Variants in NUP153 observed in about 807,000 individuals in gnomAD.
The protein encoded by NUP153 is nucleoporin 153.
NUP153 carries 27 observed loss-of-function variants against 134.6 expected under a neutral mutation model. The observed-to-expected ratio is 0.20, with a 90% CI of 0.15 to 0.28. NUP153 has a LOEUF of 0.28. Among genes scored for constraint, NUP153 ranks in the 10% least tolerant of loss-of-function variants. The pLI is 1.00. For synonymous variants in NUP153, 640 were observed against 623.5 expected (o/e 1.03, Z -0.40); for missense variants, 1,821 against 1,731.3 (o/e 1.05, Z -0.92).
chr6:17,699,187 TA>T (rs988412770), intron 1 of NUP153, among the ~76,000 whole-genome samples: 2 of 74,008 alleles, frequency 2.7e-5, no homozygotes, highest in Non-Finnish European at 5.9e-5. Flanking sequence ...TAGCTACAAA[TA>T]ATTTTTTTTT....
chr6:17,681,153 A>C (rs1012607928), intron 2 of NUP153, among the ~76,000 whole-genome samples: 1 of 152,148 alleles, frequency 6.6e-6, no homozygotes, highest in Non-Finnish European at 1.5e-5. Context: ...CATCACATTA[A>C]GTGAAATACA....
At chr6:17,701,676 A>G (rs184733251) in intron 1 of NUP153, among the ~76,000 whole-genome samples, 1 of 142,462 alleles carries the variant, frequency 7.0e-6, no homozygotes, top group Non-Finnish European at 1.6e-5. Flanking sequence ...AAAAAAAAAA[A>G]TACAAAAATT....
At chr6:17,647,352 T>C (rs1766249844) in intron 13 of NUP153, among the ~76,000 whole-genome samples, 1 of 152,202 alleles carries the variant, frequency 6.6e-6, no homozygotes, top group South Asian at 2.1e-4. Context: ...TTTAACTAAA[T>C]GCAATATCAT....
chr6:17,663,007 T>C (rs1429559581), intron 9 of NUP153, among the ~76,000 whole-genome samples: 1 of 152,166 alleles, frequency 6.6e-6, no homozygotes, highest in Non-Finnish European at 1.5e-5. Flanking sequence ...GATGTTAGAA[T>C]TTCTTCTTTT....
rs574857209 is a variant in NUP153, at chr6:17,631,600, T to C, written c.2659+1050A>G. ...TAAGTAAGAAGATGAAATATCTGTC[T>C]GAGTTGTTTCAAGACATTAATCCTC... On this transcript the variant is annotated intron_variant, in intron 17 of 21. Transcript: ENST00000262077. Among the ~76,000 whole-genome samples the C allele has an allele frequency of 2.0e-4, 30 of 152,366 alleles. No individual in the cohort carries two copies. In the East Asian group the frequency reaches 2.9e-3, roughly 15 times the overall value.
At chr6:17,639,801 C>G (rs781582953) in intron 15 of NUP153, 138 bp downstream of exon 15, 20 of 680,704 alleles carry the variant, frequency 2.9e-5, no homozygotes, top group Non-Finnish European at 4.4e-5. Context: ...AGAATTACAC[C>G]TAACTACATC....
At chr6:17,624,323 T>C (rs1019448631) in intron 20 of NUP153, among the ~76,000 whole-genome samples, 5 of 152,154 alleles carry the variant, frequency 3.3e-5, no homozygotes, top group Non-Finnish European at 7.3e-5. Context: ...ATGAATCCCA[T>C]ACTTAAGTCA....
At chr6:17,688,310 A>G (rs1769065437) in intron 2 of NUP153, 86 bp downstream of exon 2, 1 of 960,568 alleles carries the variant, frequency 1.0e-6, no homozygotes, top group Admixed American at 2.1e-5. Flanking sequence ...GTACCGCCTG[A>G]TTAGATTTAC....
chr6:17,628,622 T>A lies in NUP153; in HGVS notation c.3544+33A>T, dbSNP rs548525234. The A allele has an allele frequency of 0.052, 26,283 of 504,688 alleles. 353 individuals are homozygous for A. The highest frequency in any genetic ancestry group is 0.14 in the African/African-American group (5,198 of 37,200). 31.3% of individuals were successfully genotyped at this position (504,688 alleles called of 1,614,324 possible). ...AAACGACAACTTGTAAAAAAAAAAATAATAATAATAATAATAAAAAGTTAA... is the reference window on the plus strand; with the variant it reads ...AAACGACAACTTGTAAAAAAAAAAAAAATAATAATAATAATAAAAAGTTAA... On this transcript the variant is annotated intron_variant, in intron 18 of 21. Transcript: ENST00000262077. The surrounding 1 kb of genome is among the most constrained non-coding windows in gnomAD (Gnocchi z 5.4).
rs563337166 is a variant in NUP153 at position 17,626,404 on chromosome 6, T to C, written c.3545-240A>G. On this transcript the variant is annotated intron_variant, in intron 18 of 21. Transcript: ENST00000262077. ...GCCTTTCATAGGAAGGCCTTTGGCA[T>C]TCAGGTTAATAAAAATACACCTCGA... Among the ~76,000 whole-genome samples the C allele has an allele frequency of 1.4e-4, 21 of 152,332 alleles. 1 individual carries two copies. The South Asian group carries it at 1.9e-3, about 14-fold the overall frequency.
intron 8 of NUP153, 47 bp from the exon 9 acceptor site, chr6:17,665,432 A>G: frequency 6.8e-7 from 1 of 1,468,610 alleles, no homozygotes; most frequent in East Asian, 2.3e-5. Context: ...ATATAAATCA[A>G]TGATTCATAT....
chr6:17,661,870 T>C (rs1229347971), intron 10 of NUP153, 91 bp from the exon 11 acceptor site: 6 of 1,301,320 alleles, frequency 4.6e-6, no homozygotes, highest in African/African-American at 3.0e-5. Flanking sequence ...AAAAAAAATA[T>C]ACAGCTGAAC....
chr6:17,665,780 T>A (rs1767500173), intron 8 of NUP153, among the ~76,000 whole-genome samples: 1 of 151,874 alleles, frequency 6.6e-6, no homozygotes, highest in Non-Finnish European at 1.5e-5. Flanking sequence ...CAGCTCACTG[T>A]AGGTGAGACC....
At chr6:17,644,082 A>C (rs1221933526) in intron 14 of NUP153, among the ~76,000 whole-genome samples, 3 of 152,168 alleles carry the variant, frequency 2.0e-5, no homozygotes, top group Non-Finnish European at 4.4e-5. Flanking sequence ...CAAACATACC[A>C]GTCAAATTCT....
chr6:17,697,500 A>G (rs1189724471), intron 1 of NUP153, among the ~76,000 whole-genome samples: 1 of 152,238 alleles, frequency 6.6e-6, no homozygotes, highest in Non-Finnish European at 1.5e-5. Context: ...AGCCTGGCCA[A>G]CATGGCGAAA....
chr6:17,629,472 T>C lies in NUP153; in HGVS notation c.2727A>G (p.Ser909=), dbSNP rs1486206982. The change falls in exon 18 of 22, where the codon TCA becomes TCG. Residue 909 remains serine, a synonymous_variant. Coordinates refer to ENST00000262077, the MANE Select transcript of NUP153 (RefSeq NM_005124.4). ...ASSSFKFGVS[S]SSSGPSQTLT... ...AAGTCTGAGAAGGCCCAGAAGAGGATGATGAGACACCAAATTTGAAGGATG... is the reference window on the plus strand; with the variant it reads ...AAGTCTGAGAAGGCCCAGAAGAGGACGATGAGACACCAAATTTGAAGGATG... 2 of 1,610,600 alleles carry C rather than the reference T, an allele frequency of 1.2e-6. No homozygotes were observed. Among genetic ancestry groups the C allele is most frequent in the Non-Finnish European group, 1.7e-6 (2 of 1,179,236 alleles).
intron 1 of NUP153, among the ~76,000 whole-genome samples, chr6:17,698,257 C>A (rs1769796147): frequency 6.6e-6 from 1 of 152,122 alleles, no homozygotes; most frequent in African/African-American, 2.4e-5. Flanking sequence ...TAAAATACAA[C>A]CAATAATGTC....
intron 14 of NUP153, among the ~76,000 whole-genome samples, chr6:17,645,262 A>C (rs571661231): frequency 6.7e-6 from 1 of 150,322 alleles, no homozygotes; most frequent in Non-Finnish European, 1.5e-5. Flanking sequence ...AAAAAAAAAG[A>C]ATTCTATGTT....
Position 17,706,117 on chromosome 6 carries a change from G to A in NUP153, c.111+160C>T. ...CTGGGCCTGTCTCAGCCCACTTCCC[G>A]TCGCCACCCCCAACGGCCTGAGCTC... is the stretch of plus-strand genomic sequence containing the variant. On this transcript the variant is annotated intron_variant, in intron 1 of 21. Transcript: ENST00000262077. The surrounding 1 kb of genome is among the most constrained non-coding windows in gnomAD (Gnocchi z 5.9). 1.6e-6 allele frequency: 1 copy of A among 629,688 alleles called. No homozygotes were observed. The allele number at this position is 629,688 out of a possible 1,614,324, so 39.0% of individuals were successfully genotyped here. A position where few individuals can be genotyped will look rare whatever the true frequency, so the allele number is the denominator to read the frequency against.
Sources: allele counts gnomAD v4.1 joint callset (sites outside exome capture counted in the v4.1 genomes callset), GRCh38; gene constraint gnomAD v4.1.1; non-coding constraint Gnocchi (gnomAD v3.1); transcripts MANE v1.5; gene names NCBI Gene and HGNC (gene_info 2026-07-23, HGNC 2026-07-21).